SMARCAD1: variants seen among roughly 807,000 people sequenced by gnomAD.
The protein encoded by SMARCAD1 is SWI/SNF-related matrix-associated actin-dependent regulator of chromatin subfamily A containing DEAD/H box 1.
Under a neutral mutation model 127.1 loss-of-function variants are expected in SMARCAD1, and 25 were observed. The observed-to-expected ratio is 0.20, with a 90% CI of 0.14 to 0.27. The LOEUF is 0.27. SMARCAD1 is among the 10% of genes least tolerant of loss of function. The pLI is 1.00. For synonymous variants in SMARCAD1, 400 were observed against 396.9 expected (o/e 1.01, Z -0.09); for missense variants, 807 against 1,206.0 (o/e 0.67, Z 4.90).
chr4:94,226,394 T>C, intron 3 of SMARCAD1, 98 bp downstream of exon 3: 1 of 719,540 alleles, frequency 1.4e-6, no homozygotes, highest in South Asian at 1.8e-5. Context: ...TTCCCTTTTT[T>C]TTTTTTTCTT....
In SMARCAD1 at chr4:94,281,543, T is replaced by A. The variant is rs752800094; in HGVS notation, c.2679T>A (p.His893Gln). ...TCTTAGAGGTTCTATTAAAACATCA[T>A]CAGCATAGGTACCTCAGATTAGATG... ...LDILEVLLKHHQHRYLRLDGK... is the reference protein window; with the variant it reads ...LDILEVLLKHQQHRYLRLDGK... Residue 893 changes from histidine (H) to glutamine (Q), a missense_variant, in exon 21 of 24, where the codon CAT (histidine) becomes CAA (glutamine). His to Gln is a conservative substitution (Grantham distance 24). Coordinates refer to ENST00000354268, the MANE Select transcript of SMARCAD1 (RefSeq NM_020159.5). The A allele has an allele frequency of 8.1e-6, 13 of 1,613,244 alleles. No homozygotes were observed. The highest frequency in any genetic ancestry group is 1.1e-5 in the Non-Finnish European group (13 of 1,179,506).
In SMARCAD1 at chr4:94,280,756, C is replaced by T. The variant is rs140621826; in HGVS notation, c.2583C>T (p.Cys861=). ...LDSGKFRVLG[C]ILSELKQKGD... Reference sequence around the variant, plus strand: ...CTGGAAAATTTCGAGTTTTAGGATGCATCTTGTCTGAATTGAAACAGAAGG... The same window carrying T: ...CTGGAAAATTTCGAGTTTTAGGATGTATCTTGTCTGAATTGAAACAGAAGG... The change falls in exon 20 of 24, where the codon TGC becomes TGT. Residue 861 remains cysteine, a synonymous_variant. Transcript: ENST00000354268. 4 of 1,613,590 alleles carry T rather than the reference C, an allele frequency of 2.5e-6. No individual in the cohort carries two copies. Among genetic ancestry groups the T allele is most frequent in the Non-Finnish European group, 3.4e-6 (4 of 1,179,788 alleles).
intron 20 of SMARCAD1, among the ~76,000 whole-genome samples, chr4:94,281,153 CAGATA>C (rs1753962958): frequency 6.6e-6 from 1 of 152,130 alleles, no homozygotes; most frequent in Admixed American, 6.5e-5. Flanking sequence ...AATCACAGTC[CAGATA>C]ATACATACAT....
At chr4:94,243,384 C>T (rs140204696) in intron 6 of SMARCAD1, among the ~76,000 whole-genome samples, 50 of 152,274 alleles carry the variant, frequency 3.3e-4, no homozygotes, top group Non-Finnish European at 6.2e-4. Flanking sequence ...AGTCCATTCT[C>T]AAGTATACCA....
intron 3 of SMARCAD1, among the ~76,000 whole-genome samples, chr4:94,229,081 G>T (rs1357760240): frequency 6.6e-6 from 1 of 151,940 alleles, no homozygotes; most frequent in Non-Finnish European, 1.5e-5. Context: ...CATTATTGTT[G>T]AACTTTGATG....
intron 2 of SMARCAD1, 67 bp downstream of exon 2, chr4:94,208,651 A>G: frequency 7.0e-7 from 1 of 1,437,592 alleles, no homozygotes; most frequent in Non-Finnish European, 9.8e-7. Flanking sequence ...GGCAGAAGGG[A>G]TTCTCATTTT....
chr4:94,232,259 G>C (rs1745961351), intron 3 of SMARCAD1, among the ~76,000 whole-genome samples: 1 of 152,108 alleles, frequency 6.6e-6, no homozygotes, highest in Non-Finnish European at 1.5e-5. Context: ...TTCATTGTCA[G>C]CATCAATATT....
rs991036061 is a variant in SMARCAD1, at chr4:94,237,869, A to G, written c.604+851A>G. ...TAGAACAAAAATTTCTGTTATTTAT[A>G]TAGGCTAAATTTCAAACTAGGATGT... On this transcript the variant is annotated intron_variant, in intron 5 of 23. Transcript: ENST00000354268. Among the ~76,000 whole-genome samples, 6 of 152,258 alleles carry G rather than the reference A, an allele frequency of 3.9e-5. No individual in the cohort carries two copies. In the South Asian group the frequency reaches 6.2e-4, roughly 16 times the overall value.
intron 23 of SMARCAD1, among the ~76,000 whole-genome samples, 168 bp downstream of exon 23, chr4:94,285,237 T>A (rs185490821): frequency 6.6e-6 from 1 of 152,308 alleles, no homozygotes; most frequent in East Asian, 1.9e-4. Flanking sequence ...CTAAAATAAT[T>A]TTTTTGAAGT....
At chr4:94,270,692 T>C (rs750173422) in intron 10 of SMARCAD1, 36 bp from the exon 11 acceptor site, 3 of 1,538,406 alleles carry the variant, frequency 2.0e-6, no homozygotes, top group Non-Finnish European at 2.7e-6. Context: ...GATAGAAATA[T>C]AGATGTGTAA....
chr4:94,208,481 G>C lies in SMARCAD1; in HGVS notation c.87G>C (p.Gln29His). The C allele has an allele frequency of 1.2e-6, 2 of 1,614,062 alleles. No homozygotes were observed. The highest frequency in any genetic ancestry group is 8.5e-7 in the Non-Finnish European group (1 of 1,180,004). ...CCGAAGCAACCCCTCAACCTTCCCA[G>C]CCTGGCCCTTCTTCACCAATTTCTC... Reference protein sequence around the residue: ...EAPEATPQPSQPGPSSPISLS... With the variant: ...EAPEATPQPSHPGPSSPISLS... Residue 29 changes from glutamine to histidine, a missense_variant, in exon 2 of 24, where the codon CAG (glutamine) becomes CAC (histidine). Coordinates refer to ENST00000354268, the MANE Select transcript of SMARCAD1 (RefSeq NM_020159.5).
intron 20 of SMARCAD1, among the ~76,000 whole-genome samples, chr4:94,281,162 C>T (rs1405153644): frequency 2.0e-5 from 3 of 152,152 alleles, no homozygotes; most frequent in Non-Finnish European, 4.4e-5. Context: ...CCAGATAATA[C>T]ATACATAAGC....
At chr4:94,281,632 A>T in intron 21 of SMARCAD1, 42 bp downstream of exon 21, 3 of 1,225,430 alleles carry the variant, frequency 2.4e-6, no homozygotes, top group Non-Finnish European at 1.2e-6. Context: ...TAACTCATTT[A>T]TTATTATTGT....
intron 14 of SMARCAD1, 81 bp from the exon 15 acceptor site, chr4:94,276,258 G>T: frequency 6.8e-7 from 1 of 1,478,156 alleles, no homozygotes; most frequent in Middle Eastern, 1.8e-4. Context: ...AATAAAAAAT[G>T]ATTTTATAAG....
intron 20 of SMARCAD1, 147 bp from the exon 21 acceptor site, chr4:94,281,325 T>G: frequency 1.4e-6 from 1 of 697,898 alleles, no homozygotes; most frequent in Non-Finnish European, 2.6e-6. Flanking sequence ...TATTACTGAT[T>G]TGTATTAAAG....
chr4:94,216,310 C>A (rs540427540), intron 2 of SMARCAD1, among the ~76,000 whole-genome samples: 37 of 152,186 alleles, frequency 2.4e-4, no homozygotes, highest in Admixed American at 9.8e-4. Context: ...CATAGCACCC[C>A]CTTTGTTGTT....
At chr4:94,284,465 C>G (rs1337912217) in intron 22 of SMARCAD1, among the ~76,000 whole-genome samples, 1 of 151,540 alleles carries the variant, frequency 6.6e-6, no homozygotes, top group Non-Finnish European at 1.5e-5. Context: ...GTGGCACCAT[C>G]TCTGCTCACT....
Position 94,226,298 on chromosome 4 carries a change from T to C in SMARCAD1, c.368+2T>C. Reference sequence around the variant, plus strand: ...CAACAAAGATACAGTGATTATAGTGTAAGCTGATTAATAGATATATTGTAT... The same window carrying C: ...CAACAAAGATACAGTGATTATAGTGCAAGCTGATTAATAGATATATTGTAT... On this transcript the variant is annotated splice_donor_variant, in intron 3 of 23. Coordinates refer to ENST00000354268, the MANE Select transcript of SMARCAD1 (RefSeq NM_020159.5). LOFTEE classifies it high-confidence loss of function. 1 of 1,606,276 alleles carries C rather than the reference T, an allele frequency of 6.2e-7. No homozygotes were observed.
chr4:94,226,715 G>C (rs762848269), intron 3 of SMARCAD1, among the ~76,000 whole-genome samples: 1 of 152,002 alleles, frequency 6.6e-6, no homozygotes, highest in African/African-American at 2.4e-5. Context: ...AAATACAACA[G>C]TGAACAAACC....
Sources: allele counts gnomAD v4.1 joint callset (sites outside exome capture counted in the v4.1 genomes callset), GRCh38; gene constraint gnomAD v4.1.1; transcripts MANE v1.5; gene names NCBI Gene and HGNC (gene_info 2026-07-23, HGNC 2026-07-21).